The following GPC6 variants were observed in gnomAD, a reference collection of about 807,000 sequenced individuals.
GPC6 encodes glypican-6.
A neutral mutation model predicts 55.2 loss-of-function variants in GPC6; 14 were observed. The observed-to-expected ratio is 0.25, with a 90% CI of 0.17 to 0.40. The LOEUF (loss-of-function observed/expected upper bound fraction) is 0.40. GPC6 is among the 10% of genes least tolerant of loss of function. GPC6 has a pLI of 1.00. For synonymous variants in GPC6, 278 were observed against 259.6 expected, an observed-to-expected ratio of 1.07 and a Z score of -0.68; for missense variants, 641 against 708.5, an observed-to-expected ratio of 0.90 and a Z score of 1.08.
intron 4 of GPC6, among the ~76,000 whole-genome samples, chr13:94,039,839 T>C (rs1883469230): frequency 6.6e-6 from 1 of 151,818 alleles, no homozygotes; most frequent in Admixed American, 6.6e-5. Flanking sequence ...CCCTAAATAT[T>C]AAACATTCAA....
At chr13:94,186,347 A>T (rs1566517624) in intron 4 of GPC6, among the ~76,000 whole-genome samples, 1 of 152,300 alleles carries the variant, frequency 6.6e-6, no homozygotes, top group East Asian at 1.9e-4. Context: ...GAACTTAAAG[A>T]TGCTTGCAAG....
intron 1 of GPC6, among the ~76,000 whole-genome samples, chr13:93,356,275 A>G (rs1880846298): frequency 6.6e-6 from 1 of 152,208 alleles, no homozygotes; most frequent in Non-Finnish European, 1.5e-5. Flanking sequence ...TAAGCAATAC[A>G]TTCTGAGATA....
intron 1 of GPC6, among the ~76,000 whole-genome samples, chr13:93,318,225 G>A (rs1240863953): frequency 2.0e-5 from 3 of 152,050 alleles, no homozygotes; most frequent in African/African-American, 4.8e-5. Context: ...ATTATAGGAA[G>A]CATTCTAGTT....
At chr13:93,965,446 G>A (rs191116050) in intron 3 of GPC6, among the ~76,000 whole-genome samples, 19 of 152,062 alleles carry the variant, frequency 1.2e-4, no homozygotes, top group Non-Finnish European at 2.1e-4. Context: ...CGAATACTTT[G>A]CAATTCATTC....
chr13:93,370,827 TATC>T (rs1881422432), intron 1 of GPC6, among the ~76,000 whole-genome samples: 1 of 152,172 alleles, frequency 6.6e-6, no homozygotes, highest in South Asian at 2.1e-4. Context: ...CACATAGAGG[TATC>T]ATTGCGTTGT....
chr13:93,676,152 TATATATATATATATATACATACAC>T (rs1232007779), intron 2 of GPC6, among the ~76,000 whole-genome samples: 28 of 17,214 alleles, frequency 1.6e-3, no homozygotes, highest in African/African-American at 2.5e-3. Context: ...TATATATATA[TATATATATATATATATACATACAC>T]ACACACACAC....
intron 2 of GPC6, among the ~76,000 whole-genome samples, chr13:93,734,218 C>T (rs918040448): frequency 6.6e-6 from 1 of 152,124 alleles, no homozygotes; most frequent in East Asian, 1.9e-4. Flanking sequence ...CCATAAAGCT[C>T]TTCAAAACTC....
At chr13:93,322,321 T>A (rs550518986) in intron 1 of GPC6, among the ~76,000 whole-genome samples, 11 of 152,024 alleles carry the variant, frequency 7.2e-5, no homozygotes, top group East Asian at 5.8e-4. Flanking sequence ...TAGGCCACAG[T>A]GTGTGTATAT....
intron 1 of GPC6, among the ~76,000 whole-genome samples, chr13:93,342,783 A>G (rs1483911235): frequency 3.9e-5 from 6 of 152,196 alleles, no homozygotes; most frequent in Non-Finnish European, 7.3e-5. Flanking sequence ...GAGAGGAAAT[A>G]AGGATGGAAC....
intron 6 of GPC6, among the ~76,000 whole-genome samples, chr13:94,362,724 C>T (rs906685112): frequency 1.3e-5 from 2 of 152,142 alleles, no homozygotes; most frequent in African/African-American, 4.8e-5. Context: ...AATGTAGGTA[C>T]ATGCCCAGAG....
intron 4 of GPC6, among the ~76,000 whole-genome samples, chr13:94,230,889 A>G (rs1890703371): frequency 6.6e-6 from 1 of 152,220 alleles, no homozygotes; most frequent in Admixed American, 6.5e-5. Context: ...TTCCAACAAG[A>G]CAATGAGGAA....
chr13:93,637,646 G>A (rs1375056401), intron 2 of GPC6, among the ~76,000 whole-genome samples: 2 of 152,110 alleles, frequency 1.3e-5, no homozygotes, highest in African/African-American at 4.8e-5. Context: ...TCTAGGATGA[G>A]ATTAACCATG....
At chr13:94,323,982 G>C (rs1019054685) in intron 6 of GPC6, among the ~76,000 whole-genome samples, 1 of 152,076 alleles carries the variant, frequency 6.6e-6, no homozygotes, top group African/African-American at 2.4e-5. Flanking sequence ...AGGACTAGTC[G>C]CTGAGGACTA....
At chr13:94,218,947 A>G (rs1205810923) in intron 4 of GPC6, among the ~76,000 whole-genome samples, 3 of 152,198 alleles carry the variant, frequency 2.0e-5, no homozygotes, top group African/African-American at 7.2e-5. Flanking sequence ...GAAACGCTAT[A>G]GTATTTAAAA....
intron 1 of GPC6, among the ~76,000 whole-genome samples, chr13:93,530,373 A>G (rs1185964573): frequency 6.6e-6 from 1 of 152,140 alleles, no homozygotes; most frequent in African/African-American, 2.4e-5. Flanking sequence ...ATTTCTCTCC[A>G]GGTAATTCAT....
chr13:93,841,063 G>T (rs1887936382), intron 3 of GPC6, among the ~76,000 whole-genome samples: 1 of 152,130 alleles, frequency 6.6e-6, no homozygotes, highest in African/African-American at 2.4e-5. Flanking sequence ...AGTGAGGAGG[G>T]TAGGCAAGGT....
intron 2 of GPC6, among the ~76,000 whole-genome samples, chr13:93,785,887 AG>A (rs1253345623): frequency 6.6e-6 from 1 of 152,116 alleles, no homozygotes; most frequent in African/African-American, 2.4e-5. Flanking sequence ...GCTTGAGCCC[AG>A]GAGGTCAAGG....
rs1367428478 is a variant in GPC6, at chr13:94,195,022, G to T, written c.878-91327G>T. ...ATAGAAAGAAGTATCTAGAAACAAG[G>T]CCTTTGGAACTGAGCACTGAAGTTT... is the stretch of plus-strand genomic sequence containing the variant. On this transcript the variant is annotated intron_variant, in intron 4 of 8. Transcript: ENST00000377047. Among the ~76,000 whole-genome samples, 5 of 152,242 alleles carry T rather than the reference G, an allele frequency of 3.3e-5. No individual in the cohort carries two copies. The East Asian group carries it at 9.6e-4, about 29-fold the overall frequency.
chr13:93,336,225 T>C (rs1317759329), intron 1 of GPC6, among the ~76,000 whole-genome samples: 1 of 152,166 alleles, frequency 6.6e-6, no homozygotes, highest in Non-Finnish European at 1.5e-5. Flanking sequence ...GTAGAAGCGT[T>C]GTGTAAAATG....
Sources: gnomAD v4.1 joint callset for allele counts (sites outside exome capture counted in the v4.1 genomes callset) on GRCh38, gnomAD v4.1.1 for gene constraint, MANE v1.5 for transcripts, NCBI Gene and HGNC (gene_info 2026-07-23, HGNC 2026-07-21) for gene names.